Variants in RNF44 observed in about 807,000 individuals in gnomAD.
RNF44 encodes the protein ring finger protein 44.
A neutral mutation model predicts 53.6 loss-of-function variants in RNF44; 25 were observed. That is an observed-to-expected ratio of 0.47 (90% CI 0.34 to 0.65). RNF44 has a LOEUF of 0.65. Among genes scored for constraint, RNF44 ranks in the 30% least tolerant of loss-of-function variants. The pLI is 0.01. For synonymous variants in RNF44, 282 were observed against 252.2 expected, an observed-to-expected ratio of 1.12 and a Z score of -1.12; for missense variants, 581 against 595.5, an observed-to-expected ratio of 0.98 and a Z score of 0.25.
intron 1 of RNF44, among the ~76,000 whole-genome samples, chr5:176,533,793 G>A (rs1413777933): frequency 6.6e-6 from 1 of 152,230 alleles, no homozygotes; most frequent in Non-Finnish European, 1.5e-5. Flanking sequence ...AAGTTGGGAC[G>A]AGGCCCTGGC....
Position 176,531,842 on chromosome 5 carries a change from G to C in RNF44, c.297+162C>G. 1 of 886,628 alleles carries C rather than the reference G, an allele frequency of 1.1e-6. No homozygotes were observed. Among genetic ancestry groups the C allele is most frequent in the Non-Finnish European group, 1.7e-6 (1 of 588,986 alleles). The allele number at this position is 886,628 out of a possible 1,614,324, so 54.9% of individuals were successfully genotyped here. On this transcript the variant is annotated intron_variant, in intron 3 of 10. Transcript: ENST00000274811. The surrounding 1 kb of genome is among the most constrained non-coding windows in gnomAD (Gnocchi z 4.2). ...TCTAGCTCTGCTAGTCACCCAGTGT[G>C]GCCCTTTCCCCGGGCCTCAGTTTAC...
At chr5:176,536,514 C>T (rs926864084) in intron 1 of RNF44, among the ~76,000 whole-genome samples, 3 of 152,214 alleles carry the variant, frequency 2.0e-5, no homozygotes, top group Non-Finnish European at 2.9e-5. Flanking sequence ...GCGGACACAG[C>T]CCCGAGAGGG....
In RNF44 at chr5:176,530,967, G is replaced by A. The variant is rs780112498; in HGVS notation, c.520C>T (p.His174Tyr). 1.2e-5 allele frequency: 18 copies of A among 1,459,370 alleles called. No individual in the cohort carries two copies. The highest frequency in any genetic ancestry group is 1.5e-5 in the Non-Finnish European group (17 of 1,108,754). 90.4% of individuals were successfully genotyped at this position (1,459,370 alleles called of 1,614,324 possible). The part of the protein sequence containing the change: ...QLPVPYQAYP[H>Y]LISSDHYILH... ...ATGTAGTGGTCACTGGAGATGAGGT[G>A]GGGGTAGGCCTGATAGGGCACAGGC... The change falls in exon 5 of 11, where the codon CAC (histidine) becomes TAC (tyrosine). Residue 174 changes from histidine to tyrosine, a missense_variant. Around this residue, in one of 3 missense-constraint regions of RNF44, gnomAD observed 387 missense variants for 366.0 expected, o/e 1.06. Transcript: ENST00000274811.
upstream of RNF44, among the ~76,000 whole-genome samples, chr5:176,539,983 A>G (rs1360892848): frequency 6.6e-6 from 1 of 152,096 alleles, no homozygotes; most frequent in East Asian, 1.9e-4. Flanking sequence ...CTTTCTGCCA[A>G]TCCATTTCAC....
rs1164817345 is a variant in RNF44 at position 176,532,342 on chromosome 5, C to T, written c.107+24G>A. ...CCTGCTGGCCCCCATGCCCCAGCAC[C>T]AGGACTGGGAGGCTCCTTCCTACCT... On this transcript the variant is annotated intron_variant, in intron 2 of 10. Coordinates refer to ENST00000274811, the MANE Select transcript of RNF44 (RefSeq NM_014901.5). The T allele has an allele frequency of 2.7e-5, 43 of 1,592,850 alleles. No homozygotes were observed. In the Admixed American group the frequency reaches 7.4e-4, roughly 28 times the overall value.
chr5:176,530,906 G>T lies in RNF44; in HGVS notation c.581C>A (p.Pro194His). ...HPPPPAPPPQ[P>H]THMAPLGQFV... ...CTGCCCCAGGGGCGCCATGTGGGTG[G>T]GCTGGGGGGGTGGGGCCGGTGGTGG... The change falls in exon 5 of 11, where the codon CCC (proline) becomes CAC (histidine). Residue 194 changes from proline (P) to histidine (H), a missense_variant. Physicochemically the swap from Pro to His is moderately conservative, Grantham distance 77. Transcript: ENST00000274811. The T allele has an allele frequency of 1.4e-6, 2 of 1,397,980 alleles. No individual in the cohort carries two copies. The highest frequency in any genetic ancestry group is 1.9e-6 in the Non-Finnish European group (2 of 1,066,720). The allele number at this position is 1,397,980 out of a possible 1,614,324, so 86.6% of individuals were successfully genotyped here.
intron 7 of RNF44, 86 bp downstream of exon 7, chr5:176,529,996 C>A (rs938604381): frequency 6.8e-6 from 10 of 1,468,078 alleles, no homozygotes; most frequent in Non-Finnish European, 9.0e-6. Context: ...GGCCCTGGGG[C>A]CCCTGGAGCT....
chr5:176,537,707 G>A (rs1198859982), upstream of RNF44: 2 of 152,370 alleles, frequency 1.3e-5, no homozygotes, highest in East Asian at 1.9e-4. Flanking sequence ...GGTCCCGCCA[G>A]GAGAACCGGC....
Position 176,529,355 on chromosome 5 carries a change from C to T in RNF44, c.1169G>A (p.Arg390Gln), listed in dbSNP as rs1045771946. 1.1e-5 allele frequency: 17 copies of T among 1,613,398 alleles called. No homozygotes were observed. The highest frequency in any genetic ancestry group is 2.2e-5 in the East Asian group (1 of 44,886). The change falls in exon 10 of 11, where the codon CGG becomes CAG. Residue 390 changes from arginine (R) to glutamine (Q), a missense_variant. Arg to Gln is a conservative substitution (Grantham distance 43, BLOSUM62 1). Transcript: ENST00000274811. ...CVVCFSDFEA[R>Q]QLLRVLPCNH... ...GCAGGGGAGGACTCGGAGCAGCTGCCGCGCCTCGAAGTCACTGAAGCAGAC... is the reference window on the plus strand; with the variant it reads ...GCAGGGGAGGACTCGGAGCAGCTGCTGCGCCTCGAAGTCACTGAAGCAGAC...
chr5:176,530,569 G>A lies in RNF44; in HGVS notation c.801+13C>T. The A allele has an allele frequency of 1.4e-6, 2 of 1,432,792 alleles. No homozygotes were observed. Among genetic ancestry groups the A allele is most frequent in the South Asian group, 1.5e-5 (1 of 67,864 alleles). The allele number at this position is 1,432,792 out of a possible 1,614,324, so 88.8% of individuals were successfully genotyped here. A position where few individuals can be genotyped will look rare whatever the true frequency, so the allele number is the denominator to read the frequency against. On this transcript the variant is annotated intron_variant, in intron 6 of 10. Coordinates refer to ENST00000274811, the MANE Select transcript of RNF44 (RefSeq NM_014901.5). ...TGCCCTGGAGCCCAGGTGGGGGTCGGGGTGGCACTCACCACACCAAAGGAC... is the reference window on the plus strand; with the variant it reads ...TGCCCTGGAGCCCAGGTGGGGGTCGAGGTGGCACTCACCACACCAAAGGAC...
chr5:176,531,512 G>C lies in RNF44; in HGVS notation c.416C>G (p.Ser139Cys), dbSNP rs1319976833. The C allele has an allele frequency of 1.2e-6, 2 of 1,602,268 alleles. No homozygotes were observed. The highest frequency in any genetic ancestry group is 3.4e-5 in the Admixed American group (2 of 58,048). ...GTAATGCTGCCCACTGAACATCACG[G>C]AGCATGCTGGGAGCTGCTGGGCACT... ...GCSAQQLPAC[S>C]VMFSGQHYPL... Residue 139 changes from serine to cysteine, a missense_variant, in exon 4 of 11, where the codon TCC (serine) becomes TGC (cysteine). Physicochemically the swap from Ser to Cys is moderately radical, Grantham distance 112 (BLOSUM62 -1). Transcript: ENST00000274811. The surrounding 1 kb of genome is among the most constrained non-coding windows in gnomAD (Gnocchi z 4.2).
Position 176,531,916 on chromosome 5 carries a change from G to T in RNF44, c.297+88C>A. The stretch of plus-strand genomic sequence containing the variant: ...ATGCCTCCCTGGAACGTGAAATGAA[G>T]CAAGCTAGGTGAAATCTAGGCCTTG... On this transcript the variant is annotated intron_variant, in intron 3 of 10. Transcript: ENST00000274811. This position sits in a 1 kb window ranked among gnomAD's most constrained non-coding sequence, Gnocchi z 4.2. 7.2e-7 allele frequency: 1 copy of T among 1,384,782 alleles called. No individual in the cohort carries two copies. Among genetic ancestry groups the T allele is most frequent in the Non-Finnish European group, 9.8e-7 (1 of 1,022,864 alleles). The allele number at this position is 1,384,782 out of a possible 1,614,324, so 85.8% of individuals were successfully genotyped here.
chr5:176,540,193 G>A (rs755749091), upstream of RNF44, among the ~76,000 whole-genome samples: 6 of 152,144 alleles, frequency 3.9e-5, no homozygotes, highest in Non-Finnish European at 7.3e-5. Flanking sequence ...GGCTGAAGGG[G>A]TTTGGCTTTT....
Position 176,531,117 on chromosome 5 carries a change from C to A in RNF44, c.466-96G>T. On this transcript the variant is annotated intron_variant, in intron 4 of 10. Coordinates refer to ENST00000274811, the MANE Select transcript of RNF44 (RefSeq NM_014901.5). The surrounding 1 kb of genome is among the most constrained non-coding windows in gnomAD (Gnocchi z 4.2). ...CAGCAAAAGGCCCCCACCGGGCACA[C>A]ACCCAGCAGCTCCAGGGTCTGTATA... 1 of 864,322 alleles carries A rather than the reference C, an allele frequency of 1.2e-6. No homozygotes were observed. The highest frequency in any genetic ancestry group is 1.7e-6 in the Non-Finnish European group (1 of 602,922). 53.5% of individuals were successfully genotyped at this position (864,322 alleles called of 1,614,324 possible). A position where few individuals can be genotyped will look rare whatever the true frequency, so the allele number is the denominator to read the frequency against.
the RNF44 span, among the ~76,000 whole-genome samples, chr5:176,543,030 C>T: frequency 1.3e-5 from 2 of 151,814 alleles, no homozygotes; most frequent in Non-Finnish European, 1.5e-5. This position sits in a 1 kb window ranked among gnomAD's most constrained non-coding sequence, Gnocchi z 4.0. Flanking sequence ...GCTCGGAGTT[C>T]CCCGGGGCTC....
Position 176,537,054 on chromosome 5 carries a change from C to T in RNF44, c.-159G>A, listed in dbSNP as rs1002354902. 1 of 152,200 alleles carries T rather than the reference C, an allele frequency of 6.6e-6. No individual in the cohort carries two copies. Among genetic ancestry groups the T allele is most frequent in the African/African-American group, 2.4e-5 (1 of 41,420 alleles). The allele number at this position is 152,200 out of a possible 1,614,324, so 9.4% of individuals were successfully genotyped here. A position where few individuals can be genotyped will look rare whatever the true frequency, so the allele number is the denominator to read the frequency against. ...TCTGGATCCTTTAAGAGCTCCCGCC[C>T]TGCGGAACAATGTGCTCCCCTCCCC... On this transcript the variant is annotated 5_prime_UTR_variant, in exon 1 of 11. Transcript: ENST00000274811.
At chr5:176,538,650 C>G (rs1757368611), upstream of RNF44, among the ~76,000 whole-genome samples, 1 of 152,098 alleles carries the variant, frequency 6.6e-6, no homozygotes, top group Non-Finnish European at 1.5e-5. Flanking sequence ...AAACAAGGCG[C>G]CAATGCAAAA....
rs893716727 is a variant in RNF44, at chr5:176,526,765, A to G, written c.*2263T>C. 6.6e-6 allele frequency: 1 copy of G among 152,546 alleles called. No individual in the cohort carries two copies. The highest frequency in any genetic ancestry group is 1.5e-5 in the Non-Finnish European group (1 of 68,028). 9.4% of individuals were successfully genotyped at this position (152,546 alleles called of 1,614,324 possible). ...ATATCCCTCTGAAATCAGCAACAAT[A>G]TTAAAAAAAATAATGATTGCACTAC... On this transcript the variant is annotated 3_prime_UTR_variant, in exon 11 of 11. Coordinates refer to ENST00000274811, the MANE Select transcript of RNF44 (RefSeq NM_014901.5).
intron 1 of RNF44, among the ~76,000 whole-genome samples, chr5:176,534,372 T>A (rs1316845273): frequency 6.6e-6 from 1 of 152,266 alleles, no homozygotes; most frequent in African/African-American, 2.4e-5. Flanking sequence ...AACCTCTGCC[T>A]GCCCATCATC....
Sources: gnomAD v4.1 joint callset for allele counts (sites outside exome capture counted in the v4.1 genomes callset) on GRCh38, gnomAD v4.1.1 for gene constraint, gnomAD v4.1.1 regional missense constraint, Gnocchi (gnomAD v3.1) non-coding constraint, MANE v1.5 for transcripts, NCBI Gene and HGNC (gene_info 2026-07-23, HGNC 2026-07-21) for gene names.